The following JAKMIP2 variants were observed in gnomAD, a reference collection of about 807,000 sequenced individuals.
The protein encoded by JAKMIP2 is janus kinase and microtubule-interacting protein 2.
In JAKMIP2, 25 loss-of-function variants were observed where a neutral mutation model predicts 115.0. The observed-to-expected ratio is 0.22, with a 90% confidence interval of 0.16 to 0.30. The LOEUF is 0.30. JAKMIP2 is among the 10% of genes least tolerant of loss of function. JAKMIP2 has a pLI of 1.00. For synonymous variants in JAKMIP2, 334 were observed against 343.6 expected (o/e 0.97, Z 0.31); for missense variants, 642 against 957.6 (o/e 0.67, Z 4.35).
intron 3 of JAKMIP2, among the ~76,000 whole-genome samples, chr5:147,657,918 G>A (rs750207353): frequency 2.6e-5 from 4 of 151,902 alleles, no homozygotes; most frequent in Non-Finnish European, 5.9e-5. Context: ...CTTTTATCAA[G>A]GTTCTTAGCT....
rs563434444 is a variant in JAKMIP2, at chr5:147,692,831, T to TAATA, written c.-148-20881_-148-20878dup. Among the ~76,000 whole-genome samples, 796 of 152,258 alleles carry TAATA rather than the reference T, an allele frequency of 5.2e-3. 1 individual carries two copies. Among genetic ancestry groups the TAATA allele is most frequent in the Non-Finnish European group, 8.6e-3 (586 of 68,014 alleles). ...GATGGTCTTTTTAAAAGTCTATGGG[T>TAATA]AATAATAAGATTGACAAAGCAGTTC... On this transcript the variant is annotated intron_variant, in intron 1 of 21. Coordinates refer to ENST00000616793, the MANE Select transcript of JAKMIP2 (RefSeq NM_001270941.2).
At position 147,742,155 on chromosome 5, in the gene JAKMIP2, A is replaced by ATATTTT; in HGVS notation, c.-149+40300_-149+40301insAAAATA. On this transcript the variant is annotated intron_variant, in intron 1 of 21. Transcript: ENST00000616793. ...TGTGGATCATTATATATATATATAT[A>ATATTTT]TTTTTTTTACTATTGTATTGTATCT... 5.1e-4 allele frequency among the ~76,000 whole-genome samples: 56 copies of ATATTTT among 108,908 alleles called. 3 individuals carry two copies. The highest frequency in any genetic ancestry group is 1.6e-3 in the South Asian group (5 of 3,220). The allele number at this position is 108,908 out of a possible 152,430, so 71.4% of individuals were successfully genotyped here.
chr5:147,692,362 A>T (rs1489832875), intron 1 of JAKMIP2, among the ~76,000 whole-genome samples: 1 of 152,190 alleles, frequency 6.6e-6, no homozygotes, highest in African/African-American at 2.4e-5. Context: ...TCTGGCCTCC[A>T]GAACTGTGAG....
chr5:147,729,946 C>G (rs1023628305), intron 1 of JAKMIP2, among the ~76,000 whole-genome samples: 3 of 152,120 alleles, frequency 2.0e-5, no homozygotes, highest in Non-Finnish European at 2.9e-5. Flanking sequence ...CATTCATTAT[C>G]TACAAGACCA....
At chr5:147,612,190 C>T (rs772427024) in intron 20 of JAKMIP2, 116 bp downstream of exon 20, 5 of 793,898 alleles carry the variant, frequency 6.3e-6, no homozygotes, top group African/African-American at 5.0e-5. Context: ...TGTAACTATA[C>T]CTGCCTCTGC....
chr5:147,765,189 A>G (rs1333122081), intron 1 of JAKMIP2, among the ~76,000 whole-genome samples: 2 of 152,018 alleles, frequency 1.3e-5, no homozygotes, highest in African/African-American at 4.8e-5. Context: ...ATAGATGAAA[A>G]TAATGGTTTA....
At chr5:147,650,909 T>G (rs1317310423) in intron 3 of JAKMIP2, among the ~76,000 whole-genome samples, 1 of 152,222 alleles carries the variant, frequency 6.6e-6, no homozygotes. Flanking sequence ...TAATGTTTCC[T>G]AGGACATTTT....
intron 1 of JAKMIP2, among the ~76,000 whole-genome samples, chr5:147,688,633 G>A (rs1283121490): frequency 6.6e-6 from 1 of 152,232 alleles, no homozygotes; most frequent in East Asian, 1.9e-4. Context: ...GTAAGCAATG[G>A]AGATAGGATT....
At chr5:147,679,519 T>G (rs1347308652) in intron 1 of JAKMIP2, among the ~76,000 whole-genome samples, 1 of 152,162 alleles carries the variant, frequency 6.6e-6, no homozygotes, top group African/African-American at 2.4e-5. Context: ...ATGCTATGAA[T>G]GTAGCTCAGA....
intron 1 of JAKMIP2, among the ~76,000 whole-genome samples, chr5:147,704,435 GACAGAAACATCAT>G (rs1752490412): frequency 6.6e-6 from 1 of 152,050 alleles, no homozygotes; most frequent in Non-Finnish European, 1.5e-5. Context: ...GTCCATCTTT[GACAGAAACATCAT>G]ACAGAAACAT....
intron 1 of JAKMIP2, among the ~76,000 whole-genome samples, chr5:147,727,588 A>G (rs1175364996): frequency 6.6e-6 from 1 of 152,156 alleles, no homozygotes; most frequent in Non-Finnish European, 1.5e-5. Flanking sequence ...TGATCCAATC[A>G]CCCACCACTA....
intron 15 of JAKMIP2, 141 bp from the exon 16 acceptor site, chr5:147,628,957 A>C (rs1757234008): frequency 1.7e-6 from 1 of 579,444 alleles, no homozygotes; most frequent in African/African-American, 1.9e-5. Context: ...TTTAGTAATA[A>C]TTCTGAACAA....
intron 1 of JAKMIP2, among the ~76,000 whole-genome samples, chr5:147,738,173 T>C (rs1753996622): frequency 6.6e-6 from 1 of 152,176 alleles, no homozygotes; most frequent in African/African-American, 2.4e-5. Context: ...TTTTCCCACT[T>C]AAAACACCAG....
Position 147,602,313 on chromosome 5 carries a change from T to A in JAKMIP2, c.2413-502A>T, listed in dbSNP as rs142687753. 4.5e-3 allele frequency among the ~76,000 whole-genome samples: 682 copies of A among 152,298 alleles called. 2 individuals are homozygous for A. Among genetic ancestry groups the A allele is most frequent in the African/African-American group, 0.015 (631 of 41,550 alleles). On this transcript the variant is annotated intron_variant, in intron 20 of 21. Coordinates refer to ENST00000616793, the MANE Select transcript of JAKMIP2 (RefSeq NM_001270941.2). Reference sequence around the variant, plus strand: ...TAAGGCACAGCTGGGAGAATATTAATCTGTAGGCTAAATATATACTTAATT... The same window carrying A: ...TAAGGCACAGCTGGGAGAATATTAAACTGTAGGCTAAATATATACTTAATT...
chr5:147,702,672 A>AAGAAAGAAAG (rs1752418829), intron 1 of JAKMIP2, among the ~76,000 whole-genome samples: 2 of 123,082 alleles, frequency 1.6e-5, no homozygotes, highest in Admixed American at 9.3e-5. Context: ...AAGAGAGAGA[A>AAGAAAGAAAG]AGAAAGAGAA....
chr5:147,645,035 G>C (rs1181293205), intron 5 of JAKMIP2, 39 bp from the exon 6 acceptor site: 11 of 1,604,036 alleles, frequency 6.9e-6, no homozygotes, highest in African/African-American at 1.4e-5. Flanking sequence ...CTTGCGTTTG[G>C]GGGACGTGGG....
intron 20 of JAKMIP2, among the ~76,000 whole-genome samples, chr5:147,608,305 G>A (rs1756135989): frequency 1.3e-5 from 2 of 152,052 alleles, no homozygotes; most frequent in Non-Finnish European, 2.9e-5. Context: ...TCTCCTGTGG[G>A]GATTTAGTGC....
At chr5:147,617,632 A>T (rs1353581268) in intron 19 of JAKMIP2, among the ~76,000 whole-genome samples, 1 of 152,230 alleles carries the variant, frequency 6.6e-6, no homozygotes, top group Non-Finnish European at 1.5e-5. Context: ...AGATAATCAG[A>T]CACCATGAAA....
intron 21 of JAKMIP2, 85 bp from the exon 22 acceptor site, chr5:147,591,771 A>T (rs563216992): frequency 2.4e-6 from 2 of 828,842 alleles, no homozygotes; most frequent in Non-Finnish European, 4.0e-6. Flanking sequence ...AAAAGACACA[A>T]ATTTTTTATT....
Sources: allele counts gnomAD v4.1 joint callset (sites outside exome capture counted in the v4.1 genomes callset), GRCh38; gene constraint gnomAD v4.1.1; transcripts MANE v1.5; gene names NCBI Gene and HGNC (gene_info 2026-07-23, HGNC 2026-07-21).